FBXL6: variants seen among roughly 807,000 people sequenced by gnomAD.
FBXL6 encodes the protein F-box/LRR-repeat protein 6.
A neutral mutation model predicts 53.3 loss-of-function variants in FBXL6; 50 were observed. The observed-to-expected ratio is 0.94, with a 90% CI of 0.75 to 1.19. The LOEUF (loss-of-function observed/expected upper bound fraction) is 1.19, where lower values mean the gene tolerates loss of function less well. FBXL6 is among the 50% of genes most tolerant of loss of function. The pLI, the probability that FBXL6 is intolerant of heterozygous loss-of-function variation, is 0.00. For synonymous variants in FBXL6, 405 were observed against 322.9 expected (o/e 1.25, Z -2.73); for missense variants, 815 against 719.0 (o/e 1.13, Z -1.53).
At chr8:144,357,906 G>A in intron 1 of FBXL6, 120 bp from the exon 2 acceptor site, 4 of 1,443,398 alleles carry the variant, frequency 2.8e-6, no homozygotes, top group Non-Finnish European at 2.7e-6. Flanking sequence ...CGCCTAAGGG[G>A]CTGCGCTCTC....
chr8:144,356,419 T>G lies in FBXL6; in HGVS notation c.1106A>C (p.Asn369Thr), dbSNP rs782251723. The G allele has an allele frequency of 1.2e-6, 2 of 1,613,042 alleles. No homozygotes were observed. The highest frequency in any genetic ancestry group is 3.3e-5 in the Admixed American group (2 of 60,018). The change falls in exon 7 of 9, where the codon AAC becomes ACC. Residue 369 changes from asparagine to threonine, a missense_variant. Asn to Thr is a moderately conservative substitution (Grantham distance 65, BLOSUM62 0). Transcript: ENST00000331890. The stretch of plus-strand genomic sequence containing the variant: ...GCCCAGGACCTCGTTGCTCACAAAG[T>G]TGCAGGTTGAGCTCGCCAGGCAGAG... ...EELCLASSTC[N>T]FVSNEVLGRL...
chr8:144,356,887 A>C lies in FBXL6; in HGVS notation c.800T>G (p.Leu267Trp). Residue 267 changes from leucine (L) to tryptophan (W), a missense_variant, in exon 5 of 9, where the codon TTG becomes TGG. Transcript: ENST00000331890. ...MVESTAVVSF[L>W]EEAGSRMRKL... ...GCGCATTCGGGACCCTGCCTCCTCC[A>C]AGAAGCTCACCACAGCTGTGGACTC... 1 of 1,613,398 alleles carries C rather than the reference A, an allele frequency of 6.2e-7. No homozygotes were observed. Among genetic ancestry groups the C allele is most frequent in the South Asian group, 1.1e-5 (1 of 91,082 alleles).
chr8:144,358,040 G>T lies in FBXL6; in HGVS notation c.408C>A (p.Phe136Leu). Reference protein sequence around the residue: ...LLVAADGPMPFLGRAARVCRR... With the variant: ...LLVAADGPMPLLGRAARVCRR... Reference sequence around the variant, plus strand: ...CCCGGCACCAGCGTTACCTGCCCAGGAAGGGCATGGGGCCGTCCGCCGCCA... The same window carrying T: ...CCCGGCACCAGCGTTACCTGCCCAGTAAGGGCATGGGGCCGTCCGCCGCCA... The change falls in exon 1 of 9, where the codon TTC becomes TTA. Residue 136 changes from phenylalanine (F) to leucine (L), a missense_variant. Phe to Leu is a conservative substitution (Grantham distance 22). Transcript: ENST00000331890. The T allele has an allele frequency of 6.3e-7, 1 of 1,594,468 alleles. No homozygotes were observed. The highest frequency in any genetic ancestry group is 1.1e-5 in the South Asian group (1 of 90,476).
rs782752956 is a variant in FBXL6, at chr8:144,356,833, G to A, written c.854C>T (p.Thr285Met). The change falls in exon 5 of 9, where the codon ACG becomes ATG. Residue 285 changes from threonine to methionine, a missense_variant. Transcript: ENST00000331890. The part of the protein sequence containing the change: ...RKLWLTYSSQ[T>M]TAILGALLGS... ...CAGCAGTGCGCCCAGGATGGCTGTC[G>A]TCTGGGAGCTGTAGGTCAGCCACAA... 20 of 1,613,278 alleles carry A rather than the reference G, an allele frequency of 1.2e-5. No homozygotes were observed. The highest frequency in any genetic ancestry group is 1.6e-4 in the Middle Eastern group (1 of 6,062).
Position 144,355,580 on chromosome 8 carries a change from T to C in FBXL6, c.1571A>G (p.Glu524Gly), listed in dbSNP as rs561259699. 3.7e-6 allele frequency: 6 copies of C among 1,611,236 alleles called. No individual in the cohort carries two copies. In the South Asian group the frequency reaches 4.4e-5, roughly 12 times the overall value. Residue 524 changes from glutamate to glycine, a missense_variant, in exon 9 of 9, where the codon GAA becomes GGA. Physicochemically the swap from Glu to Gly is moderately conservative, Grantham distance 98. Transcript: ENST00000331890. ...GLKRAYRGLE[E>G]VQWCLEQLLT... is the part of the protein sequence containing the mutation. ...CAGCTGCTCCAGACACCACTGGACT[T>C]CCTCCAGGCCCCGGTAGGCCCGCTT...
chr8:144,356,406 G>C lies in FBXL6; in HGVS notation c.1119C>G (p.Asn373Lys). The C allele has an allele frequency of 1.2e-6, 2 of 1,612,654 alleles. No homozygotes were observed. The highest frequency in any genetic ancestry group is 1.6e-4 in the Middle Eastern group (1 of 6,062). Residue 373 changes from asparagine to lysine, a missense_variant, in exon 7 of 9, where the codon AAC (asparagine) becomes AAG (lysine). By Grantham distance (94) the Asn-to-Lys change is moderately conservative. Coordinates refer to ENST00000331890, the MANE Select transcript of FBXL6 (RefSeq NM_012162.4). ...CGTGGAGTAGGCGGCCCAGGACCTCGTTGCTCACAAAGTTGCAGGTTGAGC... is the reference window on the plus strand; with the variant it reads ...CGTGGAGTAGGCGGCCCAGGACCTCCTTGCTCACAAAGTTGCAGGTTGAGC... ...LASSTCNFVS[N>K]EVLGRLLHGS...
rs113552670 is a variant in FBXL6 at position 144,358,428 on chromosome 8, C to T, written c.20G>A (p.Arg7Gln). The change falls in exon 1 of 9, where the codon CGG (arginine) becomes CAG (glutamine). Residue 7 changes from arginine to glutamine, a missense_variant. Coordinates refer to ENST00000331890, the MANE Select transcript of FBXL6 (RefSeq NM_012162.4). MAAPAS[R>Q]QVRRRARAAP... ...TGCCCGGGCTCTGCGTCGGACCTGC[C>T]GGGAGGCTGGGGCAGCCATGACCAC... The T allele has an allele frequency of 1.6e-6, 2 of 1,245,120 alleles. No homozygotes were observed. The highest frequency in any genetic ancestry group is 1.5e-5 in the African/African-American group (1 of 65,398). 77.1% of individuals were successfully genotyped at this position (1,245,120 alleles called of 1,614,324 possible). A position where few individuals can be genotyped will look rare whatever the true frequency, so the allele number is the denominator to read the frequency against.
At position 144,357,077 on chromosome 8, in the gene FBXL6, G is replaced by T. The variant is rs553240844; in HGVS notation, c.684C>A (p.Ser228=). ...CGTCAGCAGTCACACCGTGGCAGCCGGAGAGCTTGAGGAAAGTGAGCCGAG... is the reference window on the plus strand; with the variant it reads ...CGTCAGCAGTCACACCGTGGCAGCCTGAGAGCTTGAGGAAAGTGAGCCGAG... ...CCPRLTFLKL[S]GCHGVTADAL... Residue 228 remains serine (S), a synonymous_variant, in exon 4 of 9, where the codon TCC becomes TCA. Coordinates refer to ENST00000331890, the MANE Select transcript of FBXL6 (RefSeq NM_012162.4). 5 of 1,612,826 alleles carry T rather than the reference G, an allele frequency of 3.1e-6. No individual in the cohort carries two copies. Among genetic ancestry groups the T allele is most frequent in the Admixed American group, 1.7e-5 (1 of 60,000 alleles).
intron 2 of FBXL6, 43 bp from the exon 3 acceptor site, chr8:144,357,545 C>A (rs1554853170): frequency 6.2e-7 from 1 of 1,612,486 alleles, no homozygotes; most frequent in Non-Finnish European, 8.5e-7. Flanking sequence ...TGTTCCCACA[C>A]GAGTCCTTCC....
At position 144,356,495 on chromosome 8, in the gene FBXL6, GCTTGGGCAGCCACATC is replaced by G. The variant is rs782328134; in HGVS notation, c.1014_1029del (p.Met339LeufsTer15). ...CCGGGAGCCACCCCTCGTCCCGGAG[GCTTGGGCAGCCACATC>G]AGGTTCAACAGCCGCAGCACCTGGG... On this transcript the variant is annotated frameshift_variant, in exon 7 of 9. Transcript: ENST00000331890. LOFTEE classifies it high-confidence loss of function. The G allele has an allele frequency of 1.2e-6, 2 of 1,612,952 alleles. No homozygotes were observed. Among genetic ancestry groups the G allele is most frequent in the South Asian group, 2.2e-5 (2 of 91,088 alleles).
In FBXL6 at chr8:144,356,792, A is replaced by C. The variant is rs372489575; in HGVS notation, c.879+16T>G. The C allele has an allele frequency of 1.6e-5, 26 of 1,612,976 alleles. No homozygotes were observed. The African/African-American group carries it at 2.9e-4, about 18-fold the overall frequency. Reference sequence around the variant, plus strand: ...CAGCTCAGCATCTGCCTCTGCTCCCACCAATGCCAACTTACCAGCAGTGCG... The same window carrying C: ...CAGCTCAGCATCTGCCTCTGCTCCCCCCAATGCCAACTTACCAGCAGTGCG... On this transcript the variant is annotated intron_variant, in intron 5 of 8. Transcript: ENST00000331890.
chr8:144,358,393 GC>G lies in FBXL6; in HGVS notation c.54del (p.Arg20AlafsTer141). ...CACCACCAGTCCTCGGCCGAGCGGG[GC>G]CGCGGCGCTGCCCGGGCTCTGCGTC... ...QVRRRARAAP[R>X]PRSAEDWWWD... is the part of the protein sequence containing the mutation. On this transcript the variant is annotated frameshift_variant, in exon 1 of 9. Coordinates refer to ENST00000331890, the MANE Select transcript of FBXL6 (RefSeq NM_012162.4). LOFTEE classifies it high-confidence loss of function. 3 of 1,255,330 alleles carry G rather than the reference GC, an allele frequency of 2.4e-6. No individual in the cohort carries two copies. The highest frequency in any genetic ancestry group is 3.0e-6 in the Non-Finnish European group (3 of 1,000,760). 77.8% of individuals were successfully genotyped at this position (1,255,330 alleles called of 1,614,324 possible). A position where few individuals can be genotyped will look rare whatever the true frequency, so the allele number is the denominator to read the frequency against.
In FBXL6 at chr8:144,355,639, G is replaced by C. The variant is rs1011236482; in HGVS notation, c.1512C>G (p.Asn504Lys). ...GGGGAAGGCAGCGGCAGGACTCCAGGTTGAGGTAGAGCAGGCCCGGGCAGC... is the reference window on the plus strand; with the variant it reads ...GGGGAAGGCAGCGGCAGGACTCCAGCTTGAGGTAGAGCAGGCCCGGGCAGC... ...ISGCPGLLYLNLESCRCLPRG... is the reference protein window; with the variant it reads ...ISGCPGLLYLKLESCRCLPRG... The change falls in exon 9 of 9, where the codon AAC becomes AAG. Residue 504 changes from asparagine to lysine, a missense_variant. By Grantham distance (94) the Asn-to-Lys change is moderately conservative (BLOSUM62 0). Transcript: ENST00000331890. 1 of 1,611,034 alleles carries C rather than the reference G, an allele frequency of 6.2e-7. No individual in the cohort carries two copies. The highest frequency in any genetic ancestry group is 8.5e-7 in the Non-Finnish European group (1 of 1,179,816).
At position 144,356,117 on chromosome 8, in the gene FBXL6, T is replaced by C. The variant is rs781979174; in HGVS notation, c.1323A>G (p.Thr441=). Reference sequence around the variant, plus strand: ...GGCCACTCAAGTCCAGTTCTCGCAGTGTATGGCACCACTTCTGGGTCAAAA... The same window carrying C: ...GGCCACTCAAGTCCAGTTCTCGCAGCGTATGGCACCACTTCTGGGTCAAAA... ...SPFLTQKWCH[T]LRELDLSGQG... Residue 441 remains threonine, a synonymous_variant, in exon 8 of 9, where the codon ACA becomes ACG. Coordinates refer to ENST00000331890, the MANE Select transcript of FBXL6 (RefSeq NM_012162.4). 7 of 1,612,874 alleles carry C rather than the reference T, an allele frequency of 4.3e-6. No individual in the cohort carries two copies. The highest frequency in any genetic ancestry group is 2.2e-5 in the East Asian group (1 of 44,900).
Position 144,356,391 on chromosome 8 carries a change from G to A in FBXL6, c.1134C>T (p.Arg378=), listed in dbSNP as rs1818417227. 1 of 1,505,208 alleles carries A rather than the reference G, an allele frequency of 6.6e-7. No homozygotes were observed. The highest frequency in any genetic ancestry group is 8.9e-7 in the Non-Finnish European group (1 of 1,125,440). 93.2% of individuals were successfully genotyped at this position (1,505,208 alleles called of 1,614,324 possible). Reference sequence around the variant, plus strand: ...GCAGGTTGGGAGAGCCGTGGAGTAGGCGGCCCAGGACCTCGTTGCTCACAA... The same window carrying A: ...GCAGGTTGGGAGAGCCGTGGAGTAGACGGCCCAGGACCTCGTTGCTCACAA... ...CNFVSNEVLG[R]LLHGSPNLRL... is the part of the protein sequence containing the mutation. The change falls in exon 7 of 9, where the codon CGC becomes CGT. Residue 378 remains arginine, a synonymous_variant. Transcript: ENST00000331890.
Position 144,358,467 on chromosome 8 carries a change from G to T in FBXL6, c.-20C>A, listed in dbSNP as rs781900084. Reference sequence around the variant, plus strand: ...AGCCATGACCACCGACGGCGCTCGGGGAAGCCCCAGGGAGCGGAACGGGCG... The same window carrying T: ...AGCCATGACCACCGACGGCGCTCGGTGAAGCCCCAGGGAGCGGAACGGGCG... On this transcript the variant is annotated 5_prime_UTR_variant, in exon 1 of 9. Coordinates refer to ENST00000331890, the MANE Select transcript of FBXL6 (RefSeq NM_012162.4). 1.6e-6 allele frequency: 2 copies of T among 1,235,332 alleles called. No individual in the cohort carries two copies. Among genetic ancestry groups the T allele is most frequent in the Non-Finnish European group, 2.0e-6 (2 of 989,592 alleles). 76.5% of individuals were successfully genotyped at this position (1,235,332 alleles called of 1,614,324 possible).
rs1409993646 is a variant in FBXL6 at position 144,355,583 on chromosome 8, T to A, written c.1568A>T (p.Glu523Val). Residue 523 changes from glutamate to valine, a missense_variant, in exon 9 of 9, where the codon GAG becomes GTG. Transcript: ENST00000331890. The stretch of plus-strand genomic sequence containing the variant: ...CTGCTCCAGACACCACTGGACTTCC[T>A]CCAGGCCCCGGTAGGCCCGCTTCAG... ...RGLKRAYRGL[E>V]EVQWCLEQLL... 3 of 1,611,134 alleles carry A rather than the reference T, an allele frequency of 1.9e-6. No individual in the cohort carries two copies. The African/African-American group carries it at 4.0e-5, about 22-fold the overall frequency.
In FBXL6 at chr8:144,358,142, C is replaced by T. The variant is rs781826346; in HGVS notation, c.306G>A (p.Thr102=). 7.1e-6 allele frequency: 11 copies of T among 1,553,372 alleles called. No individual in the cohort carries two copies. Among genetic ancestry groups the T allele is most frequent in the Non-Finnish European group, 9.5e-6 (11 of 1,157,548 alleles). ...APAPAPAPTP[T]PEEGPDAGWG... ...AGCCCGCGTCGGGCCCTTCCTCGGGCGTGGGCGTGGGTGCCGGTGCGGGTG... is the reference window on the plus strand; with the variant it reads ...AGCCCGCGTCGGGCCCTTCCTCGGGTGTGGGCGTGGGTGCCGGTGCGGGTG... Residue 102 remains threonine, a synonymous_variant, in exon 1 of 9, where the codon ACG becomes ACA. Coordinates refer to ENST00000331890, the MANE Select transcript of FBXL6 (RefSeq NM_012162.4).
At position 144,356,631 on chromosome 8, in the gene FBXL6, T is replaced by C; in HGVS notation, c.962A>G (p.Glu321Gly). The C allele has an allele frequency of 6.2e-7, 1 of 1,612,700 alleles. No individual in the cohort carries two copies. ...RNSIPLQLPV[E>G]ALQKGCPQLQ... Reference sequence around the variant, plus strand: ...CTGAGGGCAGCCTTTCTGCAGAGCCTCGACAGGCAGCTGAAGGGGAATGCT... The same window carrying C: ...CTGAGGGCAGCCTTTCTGCAGAGCCCCGACAGGCAGCTGAAGGGGAATGCT... Residue 321 changes from glutamate to glycine, a missense_variant, in exon 6 of 9, where the codon GAG becomes GGG. Transcript: ENST00000331890.
Sources: allele counts gnomAD v4.1 joint callset, GRCh38; gene constraint gnomAD v4.1.1; transcripts MANE v1.5; gene names NCBI Gene and HGNC (gene_info 2026-07-23, HGNC 2026-07-21).